PCDHA4: variants seen among roughly 807,000 people sequenced by gnomAD.
PCDHA4 encodes protocadherin alpha-4.
In PCDHA4, 49 loss-of-function variants were observed where a neutral mutation model predicts 61.4. The ratio of observed to expected loss-of-function variants is 0.80; its 90% CI spans 0.63 to 1.01. The LOEUF (loss-of-function observed/expected upper bound fraction) is 1.01, where lower values mean the gene tolerates loss of function less well. Among genes scored for constraint, PCDHA4 ranks in the 50% least tolerant of loss-of-function variants. The probability of loss-of-function intolerance (pLI) is 0.00; values close to 1 mark genes in which losing one functional copy is unlikely to be tolerated. For synonymous variants in PCDHA4, 590 were observed against 550.3 expected, an observed-to-expected ratio of 1.07 and a Z score of -1.01; for missense variants, 1,254 against 1,235.8, an observed-to-expected ratio of 1.01 and a Z score of -0.22.
Position 140,842,679 on chromosome 5 carries a change from C to T in PCDHA4, c.2385+33107C>T, listed in dbSNP as rs2150341829. 264 of 1,595,330 alleles carry T rather than the reference C, an allele frequency of 1.7e-4. 16 individuals are homozygous for T. The South Asian group carries it at 1.9e-3, about 12-fold the overall frequency. ...GTGGCCGACGTGAACGACAATGCTCCGGCGTTCGCGCAGCCCGAGTACACG... is the reference window on the plus strand; with the variant it reads ...GTGGCCGACGTGAACGACAATGCTCTGGCGTTCGCGCAGCCCGAGTACACG... On this transcript the variant is annotated intron_variant, in intron 1 of 3. Coordinates refer to ENST00000530339, the MANE Select transcript of PCDHA4 (RefSeq NM_018907.4).
In PCDHA4 at chr5:140,849,941, T is replaced by G. The variant is rs2150458780; in HGVS notation, c.2385+40369T>G. The G allele has an allele frequency of 0.63, 1,006,911 of 1,597,380 alleles. 351,403 individuals carry two copies. Among genetic ancestry groups the G allele is most frequent in the African/African-American group, 0.85 (63,094 of 74,394 alleles). Reference sequence around the variant, plus strand: ...TCTTCACGGTGTCTGCGCGGGACGCTGACGCGCAGGAGAACGCCCTGGTGT... The same window carrying G: ...TCTTCACGGTGTCTGCGCGGGACGCGGACGCGCAGGAGAACGCCCTGGTGT... On this transcript the variant is annotated intron_variant, in intron 1 of 3. Coordinates refer to ENST00000530339, the MANE Select transcript of PCDHA4 (RefSeq NM_018907.4).
intron 1 of PCDHA4, among the ~76,000 whole-genome samples, chr5:140,955,464 T>C (rs563782102): frequency 2.0e-5 from 3 of 152,218 alleles, no homozygotes; most frequent in South Asian, 2.1e-4. Context: ...TTTTTCCTTT[T>C]TGCTTGGCAC....
At chr5:140,932,549 C>T (rs1222820851) in intron 1 of PCDHA4, among the ~76,000 whole-genome samples, 1 of 151,864 alleles carries the variant, frequency 6.6e-6, no homozygotes, top group African/African-American at 2.4e-5. Context: ...ATTTAACATA[C>T]ATTCCACAAG....
intron 1 of PCDHA4, chr5:140,860,060 G>A (rs1238594068): frequency 2.0e-5 from 3 of 151,870 alleles, no homozygotes; most frequent in Admixed American, 6.6e-5. Context: ...AGGCCAAGGT[G>A]GGAGGATGGT....
At chr5:140,877,540 G>A (rs1044322759) in intron 1 of PCDHA4, 2 of 1,613,770 alleles carry the variant, frequency 1.2e-6, no homozygotes, top group East Asian at 2.2e-5. Flanking sequence ...TGTGGATCCC[G>A]AAGCGGCTCT....
intron 1 of PCDHA4, among the ~76,000 whole-genome samples, chr5:140,879,144 G>A (rs1309421547): frequency 6.6e-6 from 1 of 152,168 alleles, no homozygotes; most frequent in Non-Finnish European, 1.5e-5. Context: ...TGTGAAGGCA[G>A]GAAAGCTATT....
At chr5:140,979,054 A>G (rs782082075) in intron 2 of PCDHA4, 47 bp downstream of exon 2, 6 of 1,607,592 alleles carry the variant, frequency 3.7e-6, no homozygotes, top group Non-Finnish European at 4.3e-6. Flanking sequence ...TTAACTTGGT[A>G]TGGCTCAGAT....
At chr5:140,823,966 TGCACACGGG>T in intron 1 of PCDHA4, 1 of 1,613,942 alleles carries the variant, frequency 6.2e-7, no homozygotes, top group Non-Finnish European at 8.5e-7. Context: ...CGAGGCCGTG[TGCACACGGG>T]GCAAGCCCAC....
intron 3 of PCDHA4, among the ~76,000 whole-genome samples, chr5:140,996,540 T>C (rs2097730922): frequency 1.3e-5 from 2 of 152,218 alleles, no homozygotes. Flanking sequence ...TGTTTTGATA[T>C]TATGCTGTCA....
intron 1 of PCDHA4, among the ~76,000 whole-genome samples, chr5:140,821,351 T>C (rs1324284544): frequency 1.3e-5 from 2 of 152,246 alleles, no homozygotes; most frequent in Admixed American, 6.5e-5. Context: ...TTCATGACTT[T>C]AGATGTATTT....
At chr5:140,962,546 G>A (rs2095690873) in intron 1 of PCDHA4, among the ~76,000 whole-genome samples, 7 of 152,094 alleles carry the variant, frequency 4.6e-5, no homozygotes, top group Admixed American at 4.6e-4. Flanking sequence ...TAAAAATGTA[G>A]AGGATCTCCC....
In PCDHA4 at chr5:140,808,124, A is replaced by G; in HGVS notation, c.937A>G (p.Ser313Gly). 6.2e-7 allele frequency: 1 copy of G among 1,614,134 alleles called. No individual in the cohort carries two copies. The highest frequency in any genetic ancestry group is 2.2e-5 in the East Asian group (1 of 44,890). The change falls in exon 1 of 4, where the codon AGC (serine) becomes GGC (glycine). Residue 313 changes from serine to glycine, a missense_variant. Coordinates refer to ENST00000530339, the MANE Select transcript of PCDHA4 (RefSeq NM_018907.4). ...AAAGGGATATATTGACTTTGAAGAA[A>G]GCAAATCCTATGAAATTATTGTAGA... ...IVKGYIDFEE[S>G]KSYEIIVEGI... is the part of the protein sequence containing the mutation.
intron 1 of PCDHA4, among the ~76,000 whole-genome samples, chr5:140,900,751 G>A (rs781973754): frequency 1.3e-5 from 2 of 152,060 alleles, no homozygotes; most frequent in African/African-American, 2.4e-5. Context: ...GGATCACTTG[G>A]TAGCTCTATT....
chr5:140,850,695 C>T lies in PCDHA4; in HGVS notation c.2385+41123C>T, dbSNP rs2150494737. 6 of 1,598,304 alleles carry T rather than the reference C, an allele frequency of 3.8e-6. No homozygotes were observed. The South Asian group carries it at 5.5e-5, about 15-fold the overall frequency. On this transcript the variant is annotated intron_variant, in intron 1 of 3. Transcript: ENST00000530339. Reference sequence around the variant, plus strand: ...GATGCCCACCGAGGGCGAGTGCGCGCCTGGCAAGCCGACGCTGGTGTGTTC... The same window carrying T: ...GATGCCCACCGAGGGCGAGTGCGCGTCTGGCAAGCCGACGCTGGTGTGTTC...
intron 1 of PCDHA4, among the ~76,000 whole-genome samples, chr5:140,838,271 G>A (rs1439156541): frequency 7.8e-6 from 1 of 127,938 alleles, no homozygotes; most frequent in Non-Finnish European, 1.6e-5. Context: ...CAACAACCAA[G>A]CCATGCTAAT....
intron 1 of PCDHA4, among the ~76,000 whole-genome samples, chr5:140,884,904 A>G (rs2060400953): frequency 6.6e-6 from 1 of 152,226 alleles, no homozygotes; most frequent in Non-Finnish European, 1.5e-5. Flanking sequence ...TTTCTGTTGT[A>G]TTCTTAATAG....
chr5:140,883,339 C>G (rs142984869), intron 1 of PCDHA4: 2 of 1,614,172 alleles, frequency 1.2e-6, no homozygotes, highest in South Asian at 2.2e-5. Flanking sequence ...CTTTGTCACT[C>G]CCCATCAGAG....
Position 140,829,043 on chromosome 5 carries a change from A to G in PCDHA4, c.2385+19471A>G, listed in dbSNP as rs2150162079. On this transcript the variant is annotated intron_variant, in intron 1 of 3. Transcript: ENST00000530339. ...TTTTGAACAAGAAAACTTATACAAA[A>G]TCCTCATTGACGCCACGGACAAAGG... 5 of 1,613,038 alleles carry G rather than the reference A, an allele frequency of 3.1e-6. No homozygotes were observed. In the African/African-American group the frequency reaches 6.7e-5, roughly 22 times the overall value.
In PCDHA4 at chr5:140,812,400, C is replaced by A. The variant is rs190903365; in HGVS notation, c.2385+2828C>A. 7 of 151,904 alleles carry A rather than the reference C, an allele frequency of 4.6e-5. No homozygotes were observed. The East Asian group carries it at 1.4e-3, about 29-fold the overall frequency. 9.4% of individuals were successfully genotyped at this position (151,904 alleles called of 1,614,324 possible). On this transcript the variant is annotated intron_variant, in intron 1 of 3. Transcript: ENST00000530339. ...TTTTTTTCTTAGTCTAGCTAAGGGG[C>A]TTGTCAGTTTTGTTGTTTTTTCAAA...
Sources: allele counts gnomAD v4.1 joint callset (sites outside exome capture counted in the v4.1 genomes callset), GRCh38; gene constraint gnomAD v4.1.1; transcripts MANE v1.5; gene names NCBI Gene and HGNC (gene_info 2026-07-23, HGNC 2026-07-21).